Variants in PIP5K1B observed in about 807,000 individuals in gnomAD.
PIP5K1B encodes the protein phosphatidylinositol 4-phosphate 5-kinase type-1 beta.
In PIP5K1B, 42 loss-of-function variants were observed where a neutral mutation model predicts 67.0. That is an observed-to-expected ratio of 0.63 (90% CI 0.49 to 0.81). PIP5K1B has a LOEUF of 0.81. PIP5K1B is among the 30% of genes least tolerant of loss of function. The pLI, the probability that PIP5K1B is intolerant of heterozygous loss-of-function variation, is 0.00. For synonymous variants in PIP5K1B, 214 were observed against 231.4 expected (o/e 0.92, Z 0.68); for missense variants, 459 against 646.3 (o/e 0.71, Z 3.14).
chr9:68,790,965 A>T (rs913007706), intron 2 of PIP5K1B, among the ~76,000 whole-genome samples: 6 of 152,188 alleles, frequency 3.9e-5, no homozygotes, highest in Admixed American at 1.3e-4. Context: ...CTCATTTACA[A>T]ATTTTAAGGC....
intron 8 of PIP5K1B, among the ~76,000 whole-genome samples, chr9:68,904,757 C>CT (rs34367926): frequency 0.019 from 2,766 of 147,438 alleles, 51 homozygotes; most frequent in African/African-American, 0.044. Context: ...CAGTAGTTTG[C>CT]TTTTTTTTTT....
At chr9:68,793,672 G>C (rs1306285566) in intron 2 of PIP5K1B, among the ~76,000 whole-genome samples, 2 of 152,172 alleles carry the variant, frequency 1.3e-5, no homozygotes, top group Non-Finnish European at 2.9e-5. Context: ...GGCTATGGCT[G>C]TGGAGGTGAG....
At position 68,716,306 on chromosome 9, in the gene PIP5K1B, C is replaced by T. The variant is rs192126825; in HGVS notation, c.-243+10544C>T. On this transcript the variant is annotated intron_variant, in intron 1 of 15. Coordinates refer to ENST00000265382, the MANE Select transcript of PIP5K1B (RefSeq NM_003558.4). Reference sequence around the variant, plus strand: ...TTAAAAGGGATGCCATAACATATAACTTGACTTAAATAGGTTTGTCTGATC... The same window carrying T: ...TTAAAAGGGATGCCATAACATATAATTTGACTTAAATAGGTTTGTCTGATC... 8.1e-4 allele frequency among the ~76,000 whole-genome samples: 123 copies of T among 152,284 alleles called. 1 individual carries two copies. The South Asian group carries it at 0.01, about 13-fold the overall frequency.
chr9:68,725,737 T>C (rs1257153826), intron 1 of PIP5K1B, among the ~76,000 whole-genome samples: 1 of 152,210 alleles, frequency 6.6e-6, no homozygotes. Context: ...TGTGGACGTT[T>C]ATTGAAGAAA....
intron 15 of PIP5K1B, among the ~76,000 whole-genome samples, chr9:68,991,979 G>GC (rs1017324783): frequency 7.1e-6 from 1 of 140,038 alleles, no homozygotes; most frequent in Non-Finnish European, 1.5e-5. Context: ...ATTTTTTTTG[G>GC]GGGGGGGCAG....
intron 10 of PIP5K1B, 23 bp downstream of exon 10, chr9:68,919,585 T>C (rs1407124083): frequency 2.5e-5 from 36 of 1,439,444 alleles, no homozygotes; most frequent in Non-Finnish European, 3.4e-5. Context: ...AGGAGTGGTC[T>C]TTTATTATTT....
At chr9:68,735,496 C>A (rs1216128818) in intron 1 of PIP5K1B, among the ~76,000 whole-genome samples, 1 of 151,990 alleles carries the variant, frequency 6.6e-6, no homozygotes, top group Non-Finnish European at 1.5e-5. Context: ...TCAAGCTATT[C>A]TTGTGCCTTA....
At chr9:68,745,171 A>G (rs1022924689) in intron 2 of PIP5K1B, among the ~76,000 whole-genome samples, 8 of 152,198 alleles carry the variant, frequency 5.3e-5, no homozygotes, top group Non-Finnish European at 1.2e-4. Flanking sequence ...CATGCTCTCC[A>G]GGTAGTCCTG....
chr9:68,884,283 C>T (rs942587784), intron 6 of PIP5K1B, among the ~76,000 whole-genome samples: 3 of 150,762 alleles, frequency 2.0e-5, no homozygotes, highest in Non-Finnish European at 4.4e-5. Flanking sequence ...AAATAAGGAA[C>T]TCAAACTACT....
chr9:68,886,345 A>C (rs1824472190), intron 6 of PIP5K1B, among the ~76,000 whole-genome samples: 1 of 152,208 alleles, frequency 6.6e-6, no homozygotes, highest in African/African-American at 2.4e-5. Flanking sequence ...GAGCTTAATA[A>C]AACCAAAAAC....
At chr9:68,842,291 A>G (rs1821958177) in intron 4 of PIP5K1B, among the ~76,000 whole-genome samples, 1 of 152,240 alleles carries the variant, frequency 6.6e-6, no homozygotes, top group South Asian at 2.1e-4. Flanking sequence ...TGGTACACAC[A>G]CTGCACCAGC....
chr9:68,736,874 T>G (rs933392243), intron 1 of PIP5K1B, among the ~76,000 whole-genome samples: 2 of 152,236 alleles, frequency 1.3e-5, no homozygotes, highest in African/African-American at 4.8e-5. Context: ...GTTCTGGGGA[T>G]TAGGATGTGG....
At position 68,970,997 on chromosome 9, in the gene PIP5K1B, T is replaced by G. The variant is rs146846744; in HGVS notation, c.1503-20143T>G. On this transcript the variant is annotated intron_variant, in intron 14 of 15. Transcript: ENST00000265382. ...GATTTTTATTATTTATGTATTTATT[T>G]ATTGATTTATTTATTTTATTATACT... 3.6e-3 allele frequency among the ~76,000 whole-genome samples: 554 copies of G among 152,310 alleles called. 2 individuals carry two copies. The highest frequency in any genetic ancestry group is 0.013 in the African/African-American group (526 of 41,560).
chr9:68,890,843 C>A (rs769705588), intron 7 of PIP5K1B, among the ~76,000 whole-genome samples: 4 of 152,052 alleles, frequency 2.6e-5, no homozygotes, highest in African/African-American at 7.2e-5. Context: ...TATTTGATAA[C>A]CTGCTTAATT....
intron 6 of PIP5K1B, among the ~76,000 whole-genome samples, chr9:68,882,318 A>G (rs1224666608): frequency 6.6e-6 from 1 of 152,244 alleles, no homozygotes; most frequent in African/African-American, 2.4e-5. Context: ...ATTCTACAGC[A>G]TAATGGTGAT....
intron 6 of PIP5K1B, among the ~76,000 whole-genome samples, chr9:68,884,390 A>G (rs572823228): frequency 1.3e-5 from 2 of 151,976 alleles, no homozygotes; most frequent in African/African-American, 4.8e-5. Context: ...CAGGCCAAGC[A>G]TGGTGGCTCA....
rs1417529384 is a variant in PIP5K1B, at chr9:68,705,443, G to A, written c.-562G>A. 1 of 151,840 alleles carries A rather than the reference G, an allele frequency of 6.6e-6. No homozygotes were observed. Among genetic ancestry groups the A allele is most frequent in the Non-Finnish European group, 1.5e-5 (1 of 68,182 alleles). 9.4% of individuals were successfully genotyped at this position (151,840 alleles called of 1,614,324 possible). A position where few individuals can be genotyped will look rare whatever the true frequency, so the allele number is the denominator to read the frequency against. On this transcript the variant is annotated 5_prime_UTR_variant, in exon 1 of 16. Coordinates refer to ENST00000265382, the MANE Select transcript of PIP5K1B (RefSeq NM_003558.4). Reference sequence around the variant, plus strand: ...TCCGTCTGGCCGGAGGACCGGCGGGGAAGGAAGGGGAAAGCGGGGACACAC... The same window carrying A: ...TCCGTCTGGCCGGAGGACCGGCGGGAAAGGAAGGGGAAAGCGGGGACACAC...
intron 15 of PIP5K1B, among the ~76,000 whole-genome samples, chr9:69,000,184 C>T (rs1322086849): frequency 6.6e-6 from 1 of 152,088 alleles, no homozygotes; most frequent in Non-Finnish European, 1.5e-5. Context: ...GAAAATGCTT[C>T]TTTCTACTGT....
At chr9:68,965,970 T>C (rs1829007344) in intron 14 of PIP5K1B, among the ~76,000 whole-genome samples, 1 of 109,680 alleles carries the variant, frequency 9.1e-6, no homozygotes, top group African/African-American at 3.9e-5. Context: ...TGAGACTCCA[T>C]CTCAAAAAAA....
Sources: gnomAD v4.1 joint callset for allele counts (sites outside exome capture counted in the v4.1 genomes callset) on GRCh38, gnomAD v4.1.1 for gene constraint, MANE v1.5 for transcripts, NCBI Gene and HGNC (gene_info 2026-07-23, HGNC 2026-07-21) for gene names.